The following NRCAM variants were observed in gnomAD, a reference collection of about 807,000 sequenced individuals.
NRCAM encodes the protein neuronal cell adhesion molecule.
Under a neutral mutation model 156.5 loss-of-function variants are expected in NRCAM, and 83 were observed. That is an observed-to-expected ratio of 0.53 (90% CI 0.44 to 0.64). The LOEUF is 0.64. Ranked by LOEUF, NRCAM falls within the 30% of genes least tolerant of loss-of-function variation. The pLI is 0.00. For missense variants in NRCAM, 1,417 were observed against 1,597.3 expected, an observed-to-expected ratio of 0.89 and a Z score of 1.92; for synonymous variants, 538 against 563.9, an observed-to-expected ratio of 0.95 and a Z score of 0.65.
At chr7:108,357,952 G>T (rs1036022809) in intron 2 of NRCAM, among the ~76,000 whole-genome samples, 1 of 152,140 alleles carries the variant, frequency 6.6e-6, no homozygotes, top group Non-Finnish European at 1.5e-5. Context: ...TGGTAGGGAG[G>T]GTGGGGAAGC....
intron 1 of NRCAM, among the ~76,000 whole-genome samples, chr7:108,412,895 A>G (rs2214912): frequency 0.86 from 131,676 of 152,238 alleles, 57,169 homozygotes; most frequent in South Asian, 0.93. Flanking sequence ...TTTTATGGCT[A>G]TATAGTATTC....
intron 2 of NRCAM, among the ~76,000 whole-genome samples, chr7:108,378,253 C>G (rs984161702): frequency 4.6e-5 from 7 of 151,796 alleles, no homozygotes; most frequent in Non-Finnish European, 8.8e-5. Context: ...GAGCATGAAA[C>G]TATGAAAAAT....
intron 3 of NRCAM, among the ~76,000 whole-genome samples, chr7:108,266,135 T>C (rs577389110): frequency 6.6e-6 from 1 of 152,360 alleles, no homozygotes; most frequent in Admixed American, 6.5e-5. Context: ...TCCACAGTGT[T>C]CTTTGTAAGC....
chr7:108,456,004 A>G (rs1347890452), intron 1 of NRCAM, among the ~76,000 whole-genome samples: 2 of 152,156 alleles, frequency 1.3e-5, no homozygotes, highest in African/African-American at 4.8e-5. Context: ...CCTTCACCCA[A>G]GCGCAGGTCC....
intron 3 of NRCAM, among the ~76,000 whole-genome samples, chr7:108,295,874 G>A (rs1054883583): frequency 1.3e-5 from 2 of 152,162 alleles, no homozygotes; most frequent in African/African-American, 4.8e-5. Context: ...GCCTCTGCAG[G>A]GCACAGAGGA....
chr7:108,388,426 T>A (rs1414747518), intron 2 of NRCAM, among the ~76,000 whole-genome samples: 1 of 152,206 alleles, frequency 6.6e-6, no homozygotes, highest in East Asian at 1.9e-4. Context: ...TTCTTGTAAA[T>A]TTGTTTAAGT....
intron 3 of NRCAM, among the ~76,000 whole-genome samples, chr7:108,266,192 C>T (rs182154923): frequency 1.3e-4 from 20 of 152,328 alleles, no homozygotes; most frequent in Admixed American, 8.5e-4. Flanking sequence ...CTTCTCAAAG[C>T]AGTGAGATAA....
At chr7:108,223,678 T>G in intron 11 of NRCAM, 47 bp downstream of exon 11, 1 of 948,924 alleles carries the variant, frequency 1.1e-6, no homozygotes, top group South Asian at 1.4e-5. Context: ...ACCAACCTAC[T>G]ATATTTTTAT....
At chr7:108,293,297 G>A (rs555163772) in intron 3 of NRCAM, among the ~76,000 whole-genome samples, 3 of 152,194 alleles carry the variant, frequency 2.0e-5, no homozygotes, top group Non-Finnish European at 4.4e-5. Context: ...GGCTAAGAAA[G>A]GCTCTTTTCA....
intron 24 of NRCAM, among the ~76,000 whole-genome samples, chr7:108,181,514 A>C (rs2063460601): frequency 6.6e-6 from 1 of 152,158 alleles, no homozygotes; most frequent in African/African-American, 2.4e-5. Flanking sequence ...AGCTAGCTAG[A>C]GTTGGTAATA....
chr7:108,296,291 T>C (rs1034616035), intron 3 of NRCAM, among the ~76,000 whole-genome samples: 8 of 152,184 alleles, frequency 5.3e-5, no homozygotes, highest in African/African-American at 1.9e-4. Context: ...ACACAGGTAC[T>C]GGCCTTTACC....
chr7:108,189,934 C>G (rs1038164911), intron 19 of NRCAM, among the ~76,000 whole-genome samples, 188 bp from the exon 20 acceptor site: 1 of 152,170 alleles, frequency 6.6e-6, no homozygotes, highest in African/African-American at 2.4e-5. Context: ...ACAAGATAAC[C>G]CATCAATGAG....
intron 1 of NRCAM, among the ~76,000 whole-genome samples, chr7:108,421,612 A>C (rs1200194755): frequency 1.3e-5 from 2 of 152,242 alleles, no homozygotes; most frequent in Non-Finnish European, 2.9e-5. Context: ...AAAAAAGTAC[A>C]AAGTTAAAAT....
At chr7:108,258,890 T>A (rs2096785521) in intron 3 of NRCAM, among the ~76,000 whole-genome samples, 1 of 152,216 alleles carries the variant, frequency 6.6e-6, no homozygotes, top group Non-Finnish European at 1.5e-5. Flanking sequence ...CACCTACTTA[T>A]TCCTGGAGAC....
At chr7:108,325,418 C>T (rs2099057215) in intron 2 of NRCAM, among the ~76,000 whole-genome samples, 5 of 151,998 alleles carry the variant, frequency 3.3e-5, no homozygotes, top group Admixed American at 3.3e-4. Context: ...AAAAACCTAC[C>T]TTTTGACATT....
At chr7:108,415,107 C>T (rs903214367) in intron 1 of NRCAM, among the ~76,000 whole-genome samples, 4 of 152,214 alleles carry the variant, frequency 2.6e-5, no homozygotes, top group Admixed American at 2.6e-4. Context: ...TTCTCCCACA[C>T]CCTCCATCAC....
rs557803015 is a variant in NRCAM, at chr7:108,403,868, A to C, written c.-331-4275T>G. Among the ~76,000 whole-genome samples, 3 of 152,328 alleles carry C rather than the reference A, an allele frequency of 2.0e-5. No individual in the cohort carries two copies. In the South Asian group the frequency reaches 6.2e-4, roughly 32 times the overall value. ...TAGGTCATCGGTATCCCCTTGCCAAAGTGAAATTGTTCTCTGAAGAAGATC... is the reference window on the plus strand; with the variant it reads ...TAGGTCATCGGTATCCCCTTGCCAACGTGAAATTGTTCTCTGAAGAAGATC... On this transcript the variant is annotated intron_variant, in intron 1 of 32. Coordinates refer to ENST00000379028, the MANE Select transcript of NRCAM (RefSeq NM_001037132.4).
At chr7:108,179,800 T>C (rs1448413877) in intron 25 of NRCAM, among the ~76,000 whole-genome samples, 1 of 152,208 alleles carries the variant, frequency 6.6e-6, no homozygotes, top group African/African-American at 2.4e-5. Context: ...AAGTAAACTA[T>C]AACTTATAGA....
intron 30 of NRCAM, among the ~76,000 whole-genome samples, chr7:108,164,452 GAGAA>G (rs2052281318): frequency 6.6e-6 from 1 of 151,970 alleles, no homozygotes; most frequent in Non-Finnish European, 1.5e-5. Context: ...GCAGAAATCA[GAGAA>G]AGAGAGAGAA....
Sources: allele counts gnomAD v4.1 joint callset (sites outside exome capture counted in the v4.1 genomes callset), GRCh38; gene constraint gnomAD v4.1.1; transcripts MANE v1.5; gene names NCBI Gene and HGNC (gene_info 2026-07-23, HGNC 2026-07-21).